CNTNAP2: variants seen among roughly 807,000 people sequenced by gnomAD.
CNTNAP2 encodes the protein contactin-associated protein-like 2.
A neutral mutation model predicts 155.2 loss-of-function variants in CNTNAP2; 98 were observed. The ratio of observed to expected loss-of-function variants is 0.63; its 90% CI spans 0.54 to 0.75. The LOEUF (loss-of-function observed/expected upper bound fraction) is 0.75, where lower values mean the gene tolerates loss of function less well. Among genes scored for constraint, CNTNAP2 ranks in the 30% least tolerant of loss-of-function variants. CNTNAP2 has a pLI of 0.00. For missense variants in CNTNAP2, 1,727 were observed against 1,688.1 expected (o/e 1.02, Z -0.40); for synonymous variants, 651 against 631.2 (o/e 1.03, Z -0.47).
chr7:147,807,817 T>C (rs851666), intron 13 of CNTNAP2, among the ~76,000 whole-genome samples: 79,717 of 151,886 alleles, frequency 0.52, 23,424 homozygotes, highest in African/African-American at 0.81. Flanking sequence ...AGGACAGTTT[T>C]TCTAAGAGTT....
rs186365763 is a variant in CNTNAP2, at chr7:146,543,148, A to G, written c.98-231123A>G. On this transcript the variant is annotated intron_variant, in intron 1 of 23. Coordinates refer to ENST00000361727, the MANE Select transcript of CNTNAP2 (RefSeq NM_014141.6). ...ACCATTGCACTATACATATACATATATAAACATCATATTGCACTTAATAAA... is the reference window on the plus strand; with the variant it reads ...ACCATTGCACTATACATATACATATGTAAACATCATATTGCACTTAATAAA... Among the ~76,000 whole-genome samples the G allele has an allele frequency of 3.4e-3, 512 of 152,102 alleles. 1 individual carries two copies. The highest frequency in any genetic ancestry group is 5.3e-3 in the Non-Finnish European group (357 of 67,942).
In CNTNAP2 at chr7:146,341,081, T is replaced by C. The variant is rs60197842; in HGVS notation, c.97+224108T>C. ...GAGTTCAGATAATAATGTTTAATAGTTATTAAAGTGAACTTATCTATCCTT... is the reference window on the plus strand; with the variant it reads ...GAGTTCAGATAATAATGTTTAATAGCTATTAAAGTGAACTTATCTATCCTT... On this transcript the variant is annotated intron_variant, in intron 1 of 23. Coordinates refer to ENST00000361727, the MANE Select transcript of CNTNAP2 (RefSeq NM_014141.6). 5.8e-3 allele frequency among the ~76,000 whole-genome samples: 877 copies of C among 152,296 alleles called. 12 individuals carry two copies. The highest frequency in any genetic ancestry group is 0.02 in the African/African-American group (838 of 41,578).
intron 11 of CNTNAP2, among the ~76,000 whole-genome samples, chr7:147,558,314 A>C (rs1386966230): frequency 6.6e-6 from 1 of 152,104 alleles, no homozygotes; most frequent in East Asian, 1.9e-4. Flanking sequence ...CATATGTACA[A>C]TTTTACTGTA....
intron 8 of CNTNAP2, among the ~76,000 whole-genome samples, chr7:147,199,285 G>A (rs1263748039): frequency 6.6e-6 from 1 of 152,048 alleles, no homozygotes; most frequent in Admixed American, 6.6e-5. Context: ...TAGCATCATA[G>A]CATGAGTTAA....
intron 9 of CNTNAP2, among the ~76,000 whole-genome samples, chr7:147,345,561 A>T (rs974059909): frequency 6.6e-6 from 1 of 152,214 alleles, no homozygotes; most frequent in Admixed American, 6.5e-5. Context: ...TGTTACATAC[A>T]GAAGTTTTCT....
chr7:147,695,104 T>C (rs1101048), intron 13 of CNTNAP2, among the ~76,000 whole-genome samples: 20,208 of 152,242 alleles, frequency 0.13, 1,895 homozygotes, highest in African/African-American at 0.27. Flanking sequence ...ATAACACATA[T>C]CTTCTTTAGA....
chr7:147,035,115 TCTC>T (rs1263291766), intron 3 of CNTNAP2, among the ~76,000 whole-genome samples: 4 of 152,034 alleles, frequency 2.6e-5, no homozygotes, highest in African/African-American at 9.7e-5. Flanking sequence ...GTCCTGCTGA[TCTC>T]CTACTATGAG....
chr7:146,865,904 G>C (rs1006388037), intron 3 of CNTNAP2, among the ~76,000 whole-genome samples: 4 of 151,974 alleles, frequency 2.6e-5, no homozygotes, highest in Admixed American at 2.6e-4. Context: ...ACAATGACCC[G>C]TTTTCCTTGA....
intron 15 of CNTNAP2, among the ~76,000 whole-genome samples, chr7:147,994,849 T>C (rs917256979): frequency 6.6e-6 from 1 of 152,162 alleles, no homozygotes; most frequent in East Asian, 1.9e-4. Flanking sequence ...TTGGAAGATA[T>C]AGAGAGGAAG....
At chr7:146,219,712 C>T (rs1799175989) in intron 1 of CNTNAP2, among the ~76,000 whole-genome samples, 1 of 152,138 alleles carries the variant, frequency 6.6e-6, no homozygotes, top group South Asian at 2.1e-4. Context: ...TTTTTTTACA[C>T]TTGAATTACT....
rs1410203545 is a variant in CNTNAP2, at chr7:147,121,050, T to C, written c.826T>C (p.Trp276Arg). The C allele has an allele frequency of 6.2e-7, 1 of 1,614,078 alleles. No individual in the cohort carries two copies. Among genetic ancestry groups the C allele is most frequent in the Admixed American group, 1.7e-5 (1 of 60,026 alleles). Residue 276 changes from tryptophan to arginine, a missense_variant, in exon 6 of 24, where the codon TGG becomes CGG. Coordinates refer to ENST00000361727, the MANE Select transcript of CNTNAP2 (RefSeq NM_014141.6). ...MTGSLLDDHH[W>R]HSVVIERQGR... The stretch of plus-strand genomic sequence containing the variant: ...AGGAAGTTTGCTGGATGACCACCAC[T>C]GGCACTCTGTGGTCATTGAGCGCCA...
chr7:147,401,163 C>A (rs1020131056), intron 10 of CNTNAP2, among the ~76,000 whole-genome samples: 2 of 152,244 alleles, frequency 1.3e-5, no homozygotes, highest in African/African-American at 2.4e-5. Context: ...ATTAGAATCT[C>A]CTCTGCTCTT....
chr7:146,875,962 C>CAAAAAAAACAA (rs1166787106), intron 3 of CNTNAP2, among the ~76,000 whole-genome samples: 2 of 74,892 alleles, frequency 2.7e-5, no homozygotes, highest in African/African-American at 9.8e-5. Context: ...AAAAAAAAAA[C>CAAAAAAAACAA]AAAAAACAAA....
intron 1 of CNTNAP2, among the ~76,000 whole-genome samples, chr7:146,275,141 G>T (rs1033634648): frequency 6.6e-6 from 1 of 152,166 alleles, no homozygotes; most frequent in African/African-American, 2.4e-5. Flanking sequence ...AGTGTCCATT[G>T]AAAGTCAATT....
chr7:146,793,354 C>T (rs1221079979), intron 2 of CNTNAP2, among the ~76,000 whole-genome samples: 1 of 152,170 alleles, frequency 6.6e-6, no homozygotes, highest in East Asian at 1.9e-4. Context: ...GTCTCTCAGG[C>T]ATGTGTTAGT....
chr7:146,348,569 C>A (rs774425605), intron 1 of CNTNAP2, among the ~76,000 whole-genome samples: 2 of 152,086 alleles, frequency 1.3e-5, no homozygotes, highest in Admixed American at 6.6e-5. Flanking sequence ...AGAAGTTTTA[C>A]TTGAAAACTT....
intron 7 of CNTNAP2, 70 bp downstream of exon 7, chr7:147,128,906 GAAC>G (rs1801294988): frequency 3.8e-6 from 6 of 1,576,448 alleles, no homozygotes; most frequent in Non-Finnish European, 5.2e-6. Context: ...TTGGATTATT[GAAC>G]AACAACAAAA....
At chr7:146,163,833 T>C (rs1027875960) in intron 1 of CNTNAP2, among the ~76,000 whole-genome samples, 2 of 152,134 alleles carry the variant, frequency 1.3e-5, no homozygotes, top group East Asian at 3.8e-4. Context: ...AGATTGTTTT[T>C]ATTTAGGAAT....
intron 16 of CNTNAP2, among the ~76,000 whole-genome samples, chr7:148,119,077 G>C (rs1177541064): frequency 1.3e-5 from 2 of 152,198 alleles, no homozygotes; most frequent in African/African-American, 4.8e-5. Flanking sequence ...TTCCAGGCCA[G>C]TTGATTATTT....
Sources: allele counts gnomAD v4.1 joint callset (sites outside exome capture counted in the v4.1 genomes callset), GRCh38; gene constraint gnomAD v4.1.1; transcripts MANE v1.5; gene names NCBI Gene and HGNC (gene_info 2026-07-23, HGNC 2026-07-21).